The following PATJ variants were observed in gnomAD, a reference collection of about 807,000 sequenced individuals.
PATJ encodes the protein PATJ crumbs cell polarity complex component.
In PATJ, 190 loss-of-function variants were observed where a neutral mutation model predicts 224.9. The observed-to-expected ratio is 0.84, with a 90% CI of 0.75 to 0.95. The LOEUF (loss-of-function observed/expected upper bound fraction) is 0.95, where lower values mean the gene tolerates loss of function less well. PATJ is among the 40% of genes least tolerant of loss of function. The pLI, the probability that PATJ is intolerant of heterozygous loss-of-function variation, is 0.00. For synonymous variants in PATJ, 769 were observed against 820.3 expected, an observed-to-expected ratio of 0.94 and a Z score of 1.07; for missense variants, 2,121 against 2,270.3, an observed-to-expected ratio of 0.93 and a Z score of 1.34.
At position 62,079,490 on chromosome 1, in the gene PATJ, T is replaced by G; in HGVS notation, c.4166T>G (p.Val1389Gly). The G allele has an allele frequency of 6.2e-7, 1 of 1,613,934 alleles. No individual in the cohort carries two copies. The highest frequency in any genetic ancestry group is 8.5e-7 in the Non-Finnish European group (1 of 1,179,854). The change falls in exon 32 of 44, where the codon GTC (valine) becomes GGC (glycine). Residue 1389 changes from valine (V) to glycine (G), a missense_variant. Val to Gly is a moderately radical substitution (Grantham distance 109). Coordinates refer to ENST00000642238, the MANE Select transcript of PATJ (RefSeq NM_001350145.3). Reference sequence around the variant, plus strand: ...AAACAGCAAAAATATCCAACAAAAGTCTCCTTCAGTTCACAAGAGATACCA... The same window carrying G: ...AAACAGCAAAAATATCCAACAAAAGGCTCCTTCAGTTCACAAGAGATACCA... Reference protein sequence around the residue: ...QMKQQKYPTKVSFSSQEIPLA... With the variant: ...QMKQQKYPTKGSFSSQEIPLA...
intron 33 of PATJ, among the ~76,000 whole-genome samples, chr1:62,087,674 G>T (rs1660187461): frequency 6.6e-6 from 1 of 151,322 alleles, no homozygotes; most frequent in Non-Finnish European, 1.5e-5. Context: ...CTGGCTTTGA[G>T]CCCCACCCTG....
intron 43 of PATJ, among the ~76,000 whole-genome samples, chr1:62,154,270 A>T (rs1668932313): frequency 6.6e-6 from 1 of 152,138 alleles, no homozygotes; most frequent in Admixed American, 6.6e-5. Flanking sequence ...GATCTCTGAG[A>T]AGTATTTCAA....
At chr1:61,780,941 A>G (rs1647223111) in intron 7 of PATJ, among the ~76,000 whole-genome samples, 2 of 152,322 alleles carry the variant, frequency 1.3e-5, no homozygotes, top group South Asian at 4.1e-4. Flanking sequence ...TATGCTTGTC[A>G]TAGGGTCATA....
chr1:61,808,126 T>A (rs1272957400), intron 13 of PATJ, among the ~76,000 whole-genome samples: 2 of 152,226 alleles, frequency 1.3e-5, no homozygotes, highest in Non-Finnish European at 2.9e-5. Context: ...GCCATATTTT[T>A]GATTTTGTCA....
chr1:61,796,041 A>C (rs745335393), intron 10 of PATJ, among the ~76,000 whole-genome samples: 1 of 152,222 alleles, frequency 6.6e-6, no homozygotes, highest in Non-Finnish European at 1.5e-5. Flanking sequence ...TCCCCCATTT[A>C]GTAGAAATTA....
chr1:61,776,512 G>T (rs1265289317), intron 7 of PATJ, among the ~76,000 whole-genome samples: 8 of 152,138 alleles, frequency 5.3e-5, no homozygotes, highest in Admixed American at 5.2e-4. Context: ...GCAGTAAAAT[G>T]ATTAATTTTA....
chr1:62,106,158 G>GTGTATATATATA lies in PATJ; in HGVS notation c.4378-2278_4378-2277insGTATATATATAT, dbSNP rs1356937495. Among the ~76,000 whole-genome samples, 58 of 48,054 alleles carry GTGTATATATATA rather than the reference G, an allele frequency of 1.2e-3. 5 individuals are homozygous for GTGTATATATATA. The highest frequency in any genetic ancestry group is 3.2e-3 in the South Asian group (3 of 930). The allele number at this position is 48,054 out of a possible 152,430, so 31.5% of individuals were successfully genotyped here. A position where few individuals can be genotyped will look rare whatever the true frequency, so the allele number is the denominator to read the frequency against. ...TACATGTGTATATGTGTGTGTGTGT[G>GTGTATATATATA]TATATATATATATATATATATATAT... On this transcript the variant is annotated intron_variant, in intron 33 of 43. Coordinates refer to ENST00000642238, the MANE Select transcript of PATJ (RefSeq NM_001350145.3).
intron 22 of PATJ, among the ~76,000 whole-genome samples, chr1:61,894,454 C>T (rs1035183644): frequency 2.6e-5 from 4 of 152,028 alleles, no homozygotes; most frequent in Non-Finnish European, 4.4e-5. Flanking sequence ...GTGATTGGAT[C>T]GTGGGGGCGG....
intron 20 of PATJ, among the ~76,000 whole-genome samples, chr1:61,866,112 A>G (rs1272712555): frequency 6.6e-6 from 1 of 152,188 alleles, no homozygotes; most frequent in African/African-American, 2.4e-5. Flanking sequence ...GGTACTTTCT[A>G]TATTTGCCAG....
At chr1:62,117,079 C>A in intron 36 of PATJ, 53 bp from the exon 37 acceptor site, 2 of 1,439,734 alleles carry the variant, frequency 1.4e-6, no homozygotes, top group Non-Finnish European at 1.9e-6. Flanking sequence ...TAAGATATTT[C>A]AGAATATAAA....
chr1:61,966,878 C>T (rs1257542427), intron 27 of PATJ, among the ~76,000 whole-genome samples: 2 of 152,028 alleles, frequency 1.3e-5, no homozygotes, highest in Non-Finnish European at 2.9e-5. Context: ...ACTGTCATGG[C>T]GCTGGTGGGA....
intron 27 of PATJ, chr1:61,952,510 A>G: frequency 1.0e-5 from 7 of 691,562 alleles, no homozygotes; most frequent in Non-Finnish European, 1.9e-5. Context: ...GGTTTAGACA[A>G]TGGTAAGCCA....
chr1:61,940,780 C>T (rs369859908), intron 27 of PATJ, among the ~76,000 whole-genome samples: 3 of 150,866 alleles, frequency 2.0e-5, no homozygotes, highest in South Asian at 4.2e-4. Flanking sequence ...AGTATGTTAA[C>T]CTTTTATCTA....
intron 12 of PATJ, 78 bp downstream of exon 12, chr1:61,801,847 T>A (rs1450712380): frequency 9.5e-7 from 1 of 1,050,672 alleles, no homozygotes. Context: ...GTTAATATAG[T>A]ATGAGAAATC....
chr1:61,875,394 C>T, intron 21 of PATJ, 28 bp downstream of exon 21: 3 of 1,569,388 alleles, frequency 1.9e-6, no homozygotes, highest in Non-Finnish European at 2.6e-6. Context: ...CTCATAAACA[C>T]AAATTACATT....
At chr1:62,054,751 A>G (rs1654253881) in intron 31 of PATJ, among the ~76,000 whole-genome samples, 1 of 152,132 alleles carries the variant, frequency 6.6e-6, no homozygotes, top group South Asian at 2.1e-4. Flanking sequence ...CATTGGCTTA[A>G]TTTTTTTAAT....
chr1:61,836,203 C>T (rs1301044067), intron 17 of PATJ, among the ~76,000 whole-genome samples: 3 of 152,118 alleles, frequency 2.0e-5, no homozygotes, highest in Non-Finnish European at 4.4e-5. Flanking sequence ...TTTTGTTCTT[C>T]ATTGCATTCC....
rs569320460 is a variant in PATJ at position 62,023,483 on chromosome 1, C to A, written c.3959+5536C>A. On this transcript the variant is annotated intron_variant, in intron 29 of 43. Transcript: ENST00000642238. ...GTCAGTGATGGAAAGAACACAATTT[C>A]TGTCTGAAAGGAGGAGACAGAGAAT... 5.3e-5 allele frequency among the ~76,000 whole-genome samples: 8 copies of A among 152,280 alleles called. No homozygotes were observed. In the East Asian group the frequency reaches 1.2e-3, roughly 22 times the overall value.
intron 41 of PATJ, among the ~76,000 whole-genome samples, chr1:62,139,752 ATTCTTTTTTTTTT>A (rs1040878763): frequency 1.4e-4 from 21 of 150,244 alleles, no homozygotes; most frequent in African/African-American, 4.6e-4. Context: ...TCTAAAAGTC[ATTCTTTTTTTTTT>A]TTCTTTTTTT....
Sources: allele counts gnomAD v4.1 joint callset (sites outside exome capture counted in the v4.1 genomes callset), GRCh38; gene constraint gnomAD v4.1.1; transcripts MANE v1.5; gene names NCBI Gene and HGNC (gene_info 2026-07-23, HGNC 2026-07-21).